The following SGCZ variants were observed in gnomAD, a reference collection of about 807,000 sequenced individuals.
The protein encoded by SGCZ is sarcoglycan zeta, also known as zeta-sarcoglycan.
SGCZ carries 40 observed loss-of-function variants against 41.3 expected under a neutral mutation model. The observed-to-expected ratio is 0.97, with a 90% CI of 0.75 to 1.26. SGCZ has a LOEUF of 1.26. Ranked by LOEUF, SGCZ falls within the 50% of genes most tolerant of loss-of-function variation. SGCZ has a pLI of 0.00. For synonymous variants in SGCZ, 206 were observed against 137.5 expected, an observed-to-expected ratio of 1.50 and a Z score of -3.49; for missense variants, 552 against 369.8, an observed-to-expected ratio of 1.49 and a Z score of -4.04.
rs568081974 is a variant in SGCZ, at chr8:14,585,858, A to G, written c.40-30932T>C. Among the ~76,000 whole-genome samples, 6 of 152,294 alleles carry G rather than the reference A, an allele frequency of 3.9e-5. No individual in the cohort carries two copies. The South Asian group carries it at 1.0e-3, about 26-fold the overall frequency. ...CAAACCATGAACACTCAAGAAGTAG[A>G]TTTATTAATAAATCACCTTCAGTAA... is the stretch of plus-strand genomic sequence containing the variant. On this transcript the variant is annotated intron_variant, in intron 1 of 7. Coordinates refer to ENST00000382080, the MANE Select transcript of SGCZ (RefSeq NM_139167.4).
At chr8:14,123,843 T>C (rs558394818) in intron 5 of SGCZ, among the ~76,000 whole-genome samples, 7 of 152,234 alleles carry the variant, frequency 4.6e-5, no homozygotes, top group Admixed American at 4.6e-4. Context: ...TGATTGCTCA[T>C]TGGATTATCT....
At chr8:14,528,890 A>G (rs1005712492) in intron 2 of SGCZ, among the ~76,000 whole-genome samples, 1 of 151,926 alleles carries the variant, frequency 6.6e-6, no homozygotes, top group Non-Finnish European at 1.5e-5. Flanking sequence ...TTTATAAAAG[A>G]AGCATTTTTT....
chr8:14,926,267 AAT>A (rs575622600), intron 1 of SGCZ, among the ~76,000 whole-genome samples: 233 of 152,338 alleles, frequency 1.5e-3, no homozygotes, highest in African/African-American at 5.5e-3. Flanking sequence ...AAGCATAAAA[AAT>A]AATAAAAGAT....
At chr8:15,112,079 T>G (rs1219578066) in intron 1 of SGCZ, among the ~76,000 whole-genome samples, 1 of 152,226 alleles carries the variant, frequency 6.6e-6, no homozygotes, top group African/African-American at 2.4e-5. Context: ...TTTTTCTCTC[T>G]TTTGTGAGAT....
chr8:15,055,181 G>C (rs1804660775), intron 1 of SGCZ, among the ~76,000 whole-genome samples: 1 of 152,046 alleles, frequency 6.6e-6, no homozygotes, highest in Non-Finnish European at 1.5e-5. Context: ...ATGACTTGCT[G>C]TGCAAACTTG....
chr8:15,183,209 T>C (rs867072148), intron 1 of SGCZ, among the ~76,000 whole-genome samples: 1 of 152,196 alleles, frequency 6.6e-6, no homozygotes, highest in Admixed American at 6.5e-5. Flanking sequence ...ATCAATAGTA[T>C]AGTAAATACA....
At chr8:14,163,963 G>A (rs928972129) in intron 5 of SGCZ, among the ~76,000 whole-genome samples, 3 of 152,110 alleles carry the variant, frequency 2.0e-5, no homozygotes, top group Admixed American at 6.6e-5. Context: ...AAGTAATTCA[G>A]AAGAGATTGT....
At chr8:14,437,166 A>C (rs1585511486) in intron 2 of SGCZ, among the ~76,000 whole-genome samples, 1 of 152,214 alleles carries the variant, frequency 6.6e-6, no homozygotes, top group South Asian at 2.1e-4. Flanking sequence ...AAAATTTTTA[A>C]AATTTCCAGT....
chr8:15,087,986 CAT>C (rs1367771798), intron 1 of SGCZ, among the ~76,000 whole-genome samples: 3 of 146,762 alleles, frequency 2.0e-5, no homozygotes, highest in Admixed American at 6.7e-5. Flanking sequence ...CTATATACCT[CAT>C]ATGTCATTTC....
At chr8:14,605,996 T>A (rs147220990) in intron 1 of SGCZ, among the ~76,000 whole-genome samples, 4 of 152,148 alleles carry the variant, frequency 2.6e-5, no homozygotes, top group Non-Finnish European at 5.9e-5. Flanking sequence ...AAACTGATAA[T>A]CATTCTGTAT....
At chr8:14,424,303 T>C (rs145675374) in intron 2 of SGCZ, among the ~76,000 whole-genome samples, 1 of 152,136 alleles carries the variant, frequency 6.6e-6, no homozygotes, top group South Asian at 2.1e-4. Flanking sequence ...ATAATGAAGG[T>C]CATACTTGTA....
At chr8:14,535,134 C>T (rs951176231) in intron 2 of SGCZ, among the ~76,000 whole-genome samples, 16 of 151,908 alleles carry the variant, frequency 1.1e-4, no homozygotes, top group African/African-American at 3.6e-4. Flanking sequence ...GCAGTGTGAA[C>T]ATTTTGTTCA....
At chr8:14,116,807 G>T (rs1802537345) in intron 5 of SGCZ, among the ~76,000 whole-genome samples, 1 of 152,000 alleles carries the variant, frequency 6.6e-6, no homozygotes, top group African/African-American at 2.4e-5. Context: ...TTTAACTAAA[G>T]AAATGGCACG....
intron 6 of SGCZ, among the ~76,000 whole-genome samples, chr8:14,107,072 CG>C: frequency 6.6e-6 from 1 of 151,890 alleles, no homozygotes; most frequent in Non-Finnish European, 1.5e-5. Flanking sequence ...AAAAATTAAC[CG>C]GGCACAATGG....
intron 2 of SGCZ, among the ~76,000 whole-genome samples, chr8:14,373,056 G>C (rs1803968790): frequency 6.6e-6 from 1 of 152,122 alleles, no homozygotes; most frequent in Non-Finnish European, 1.5e-5. Context: ...AGAAGGAGAA[G>C]ATCAGTCAAG....
At chr8:14,610,369 G>A (rs1237532416) in intron 1 of SGCZ, among the ~76,000 whole-genome samples, 9 of 152,174 alleles carry the variant, frequency 5.9e-5, no homozygotes, top group Non-Finnish European at 2.9e-5. Context: ...TCAGAACTGA[G>A]AGGATTCTGC....
chr8:14,351,170 T>C (rs1414806183), intron 2 of SGCZ, among the ~76,000 whole-genome samples: 2 of 152,146 alleles, frequency 1.3e-5, no homozygotes, highest in Non-Finnish European at 2.9e-5. Context: ...AAGTACTGCG[T>C]CTGTAAAAGA....
chr8:14,234,222 T>C (rs1022036813), intron 4 of SGCZ, among the ~76,000 whole-genome samples: 3 of 152,072 alleles, frequency 2.0e-5, no homozygotes, highest in African/African-American at 7.2e-5. Context: ...CTCTTTTGCA[T>C]TTATTGTATT....
At chr8:14,731,432 G>A (rs1175611891) in intron 1 of SGCZ, among the ~76,000 whole-genome samples, 1 of 152,110 alleles carries the variant, frequency 6.6e-6, no homozygotes, top group East Asian at 1.9e-4. Context: ...AATACCTGAT[G>A]TAGATGATGG....
Sources: allele counts gnomAD v4.1 joint callset (sites outside exome capture counted in the v4.1 genomes callset), GRCh38; gene constraint gnomAD v4.1.1; transcripts MANE v1.5; gene names NCBI Gene and HGNC (gene_info 2026-07-23, HGNC 2026-07-21).